Variants in ZNF219 observed in about 807,000 individuals in gnomAD.
ZNF219 encodes zinc finger protein 219.
Under a neutral mutation model 54.4 loss-of-function variants are expected in ZNF219, and 17 were observed. The ratio of observed to expected loss-of-function variants is 0.31; its 90% CI spans 0.21 to 0.47. The LOEUF (loss-of-function observed/expected upper bound fraction) is 0.47. Among genes scored for constraint, ZNF219 ranks in the 20% least tolerant of loss-of-function variants. The probability of loss-of-function intolerance (pLI) is 1.00; values close to 1 mark genes in which losing one functional copy is unlikely to be tolerated. For missense variants in ZNF219, 1,014 were observed against 1,062.3 expected, an observed-to-expected ratio of 0.95 and a Z score of 0.63; for synonymous variants, 518 against 476.4, an observed-to-expected ratio of 1.09 and a Z score of -1.14.
chr14:21,096,937 G>GT (rs1192506185), intron 1 of ZNF219, among the ~76,000 whole-genome samples: 1 of 152,204 alleles, frequency 6.6e-6, no homozygotes, highest in Non-Finnish European at 1.5e-5. Flanking sequence ...GGGTCCAGTT[G>GT]TAACTGCCTC....
At chr14:21,103,272 A>G (rs1889763657), upstream of ZNF219, 1 of 1,548,998 alleles carries the variant, frequency 6.5e-7, no homozygotes, top group African/African-American at 1.4e-5. Flanking sequence ...AATGCTCTCC[A>G]GACATTCCTG....
chr14:21,098,794 C>T (rs1889469727), upstream of ZNF219: 1 of 1,286,330 alleles, frequency 7.8e-7, no homozygotes, highest in Non-Finnish European at 1.0e-6. Flanking sequence ...CCCCTCCCTC[C>T]CTAAACCCGG....
rs1889445084 is a variant in ZNF219, at chr14:21,098,513, C to G, written c.-285G>C. 1 of 984,226 alleles carries G rather than the reference C, an allele frequency of 1.0e-6. No individual in the cohort carries two copies. Among genetic ancestry groups the G allele is most frequent in the African/African-American group, 1.8e-5 (1 of 56,900 alleles). 61.0% of individuals were successfully genotyped at this position (984,226 alleles called of 1,614,324 possible). On this transcript the variant is annotated 5_prime_UTR_variant, in exon 1 of 5. Transcript: ENST00000360947. Reference sequence around the variant, plus strand: ...CCGCATTGTGTGCGGCGGGAGGCGGCCCGGCCATTAGCATGCGGGGGGCGG... The same window carrying G: ...CCGCATTGTGTGCGGCGGGAGGCGGGCCGGCCATTAGCATGCGGGGGGCGG...
upstream of ZNF219, among the ~76,000 whole-genome samples, chr14:21,099,766 C>T (rs544223205): frequency 6.6e-6 from 1 of 152,342 alleles, no homozygotes; most frequent in Non-Finnish European, 1.5e-5. Flanking sequence ...TTATTAACTT[C>T]CTTTTATAGA....
intron 2 of ZNF219, 111 bp downstream of exon 2, chr14:21,093,475 G>C: frequency 6.8e-7 from 1 of 1,464,198 alleles, no homozygotes; most frequent in Non-Finnish European, 9.5e-7. Context: ...CGAGATGTCA[G>C]GGCCAAGGAG....
Position 21,090,101 on chromosome 14 carries a change from T to C in ZNF219, c.*435A>G, listed in dbSNP as rs560374073. On this transcript the variant is annotated 3_prime_UTR_variant, in exon 5 of 5. Transcript: ENST00000360947. The surrounding 1 kb of genome is among the most constrained non-coding windows in gnomAD (Gnocchi z 4.4). ...CCCTGTGCCTCAAGACACCTGTTTATTGGGGACACGACTCTGCAATAGGGA... is the reference window on the plus strand; with the variant it reads ...CCCTGTGCCTCAAGACACCTGTTTACTGGGGACACGACTCTGCAATAGGGA... The C allele has an allele frequency of 7.8e-6, 3 of 382,686 alleles. No homozygotes were observed. Among genetic ancestry groups the C allele is most frequent in the African/African-American group, 2.1e-5 (1 of 47,816 alleles). 23.7% of individuals were successfully genotyped at this position (382,686 alleles called of 1,614,324 possible).
At chr14:21,094,150 TC>T (rs1031162291) in intron 1 of ZNF219, among the ~76,000 whole-genome samples, 23 of 152,076 alleles carry the variant, frequency 1.5e-4, no homozygotes, top group African/African-American at 5.6e-4. Flanking sequence ...TTTCTGTCTT[TC>T]CCCCCTCATT....
At chr14:21,094,520 AGAG>A (rs2139313958) in intron 1 of ZNF219, 2 of 423,534 alleles carry the variant, frequency 4.7e-6, no homozygotes, top group East Asian at 7.1e-5. Flanking sequence ...CCCTCACACA[AGAG>A]GAGGATTACA....
chr14:21,091,849 G>C lies in ZNF219; in HGVS notation c.1432+16C>G. On this transcript the variant is annotated intron_variant, in intron 3 of 4. Coordinates refer to ENST00000360947, the MANE Select transcript of ZNF219 (RefSeq NM_016423.3). Reference sequence around the variant, plus strand: ...GAGGACGCGGCGTACCCGGAGAGCGGAGGGTACCTACATACCCTGCGTGGC... The same window carrying C: ...GAGGACGCGGCGTACCCGGAGAGCGCAGGGTACCTACATACCCTGCGTGGC... 1 of 1,502,190 alleles carries C rather than the reference G, an allele frequency of 6.7e-7. No homozygotes were observed. The highest frequency in any genetic ancestry group is 8.8e-7 in the Non-Finnish European group (1 of 1,131,066). The allele number at this position is 1,502,190 out of a possible 1,614,324, so 93.1% of individuals were successfully genotyped here.
rs1277215398 is a variant in ZNF219 at position 21,092,974 on chromosome 14, T to C, written c.323A>G (p.Gln108Arg). 6.3e-7 allele frequency: 1 copy of C among 1,593,328 alleles called. No homozygotes were observed. The highest frequency in any genetic ancestry group is 1.1e-5 in the South Asian group (1 of 90,222). ...ALLRSHLRTH[Q>R]PERPRSPAAR... ...AGCAGGACTACGTGGGCGCTCGGGC[T>C]GGTGTGTGCGCAGGTGCGAGCGCAG... Residue 108 changes from glutamine (Q) to arginine (R), a missense_variant, in exon 3 of 5, where the codon CAG becomes CGG. Around this residue, in one of 5 missense-constraint regions of ZNF219, gnomAD observed 395 missense variants for 415.1 expected, o/e 0.95. Coordinates refer to ENST00000360947, the MANE Select transcript of ZNF219 (RefSeq NM_016423.3).
At chr14:21,102,527 T>G, upstream of ZNF219, 1 of 1,551,566 alleles carries the variant, frequency 6.4e-7, no homozygotes, top group Non-Finnish European at 8.7e-7. Context: ...TACTGGTCAA[T>G]GAAGGAGAAG....
At position 21,090,494 on chromosome 14, in the gene ZNF219, C is replaced by T. The variant is rs995073913; in HGVS notation, c.*42G>A. On this transcript the variant is annotated 3_prime_UTR_variant, in exon 5 of 5. Coordinates refer to ENST00000360947, the MANE Select transcript of ZNF219 (RefSeq NM_016423.3). This position sits in a 1 kb window ranked among gnomAD's most constrained non-coding sequence, Gnocchi z 4.4. ...AACTACCTCTAGCGCTCCCCCGCTC[C>T]GGCGGGGTAAGCTCACTAAGCTAAT... 14 of 1,540,968 alleles carry T rather than the reference C, an allele frequency of 9.1e-6. 1 individual carries two copies. Among genetic ancestry groups the T allele is most frequent in the South Asian group, 7.4e-5 (6 of 80,820 alleles).
At position 21,092,366 on chromosome 14, in the gene ZNF219, A is replaced by G. The variant is rs1486190949; in HGVS notation, c.931T>C (p.Phe311Leu). Residue 311 changes from phenylalanine to leucine, a missense_variant, in exon 3 of 5, where the codon TTC becomes CTC. Phe to Leu is a conservative substitution (Grantham distance 22). Around this residue, in one of 5 missense-constraint regions of ZNF219, gnomAD observed 28 missense variants for 59.8 expected, o/e 0.47. Coordinates refer to ENST00000360947, the MANE Select transcript of ZNF219 (RefSeq NM_016423.3). ...DHACPVCGRC[F>L]KEPWFLKNHM... ...TTCTTAAGGAACCAGGGCTCCTTGA[A>G]GCAGCGGCCGCACACCGGACACGCA... 6.3e-7 allele frequency: 1 copy of G among 1,578,646 alleles called. No individual in the cohort carries two copies. Among genetic ancestry groups the G allele is most frequent in the Non-Finnish European group, 8.6e-7 (1 of 1,162,984 alleles).
chr14:21,100,802 C>T (rs1226500505), upstream of ZNF219, among the ~76,000 whole-genome samples: 1 of 151,956 alleles, frequency 6.6e-6, no homozygotes, highest in Non-Finnish European at 1.5e-5. Flanking sequence ...GGGAAGGGCA[C>T]ATAATTTGAG....
In ZNF219 at chr14:21,098,337, C is replaced by CGGG. The variant is rs914582720; in HGVS notation, c.-112_-110dup. ...GAGCCCCGGGCGGGCGGCGGCGGAG[C>CGGG]GGGCGGCGGCGGCGGCGGCGGCGGC... On this transcript the variant is annotated 5_prime_UTR_variant, in exon 1 of 5. Coordinates refer to ENST00000360947, the MANE Select transcript of ZNF219 (RefSeq NM_016423.3). The CGGG allele has an allele frequency of 8.4e-6, 2 of 238,070 alleles. No individual in the cohort carries two copies. Among genetic ancestry groups the CGGG allele is most frequent in the African/African-American group, 4.8e-5 (2 of 41,492 alleles). The allele number at this position is 238,070 out of a possible 1,614,324, so 14.7% of individuals were successfully genotyped here.
Position 21,091,084 on chromosome 14 carries a change from G to T in ZNF219, c.1621C>A (p.Leu541Ile), listed in dbSNP as rs1221030714. Residue 541 changes from leucine (L) to isoleucine (I), a missense_variant, in exon 5 of 5, where the codon CTC becomes ATC. Coordinates refer to ENST00000360947, the MANE Select transcript of ZNF219 (RefSeq NM_016423.3). ...TGGTGGCGCTGTAGGTGATACTTGA[G>T]CGAGCCGGACTGGGTGCCCGCGTAG... Reference protein sequence around the residue: ...CDYAGTQSGSLKYHLQRHHRE... With the variant: ...CDYAGTQSGSIKYHLQRHHRE... 15 of 1,572,094 alleles carry T rather than the reference G, an allele frequency of 9.5e-6. No individual in the cohort carries two copies. Among genetic ancestry groups the T allele is most frequent in the Non-Finnish European group, 1.1e-5 (13 of 1,163,364 alleles).
Position 21,093,626 on chromosome 14 carries a change from C to T in ZNF219, c.-35G>A. ...TCACATTCTTTGGTTCTGGGAAGTG[C>T]AGGGAAGAGGAGGAAAAGCTGCTAA... On this transcript the variant is annotated 5_prime_UTR_variant, in exon 2 of 5. Transcript: ENST00000360947. The T allele has an allele frequency of 1.2e-6, 2 of 1,614,114 alleles. No homozygotes were observed. Among genetic ancestry groups the T allele is most frequent in the Non-Finnish European group, 1.7e-6 (2 of 1,180,008 alleles).
chr14:21,091,127 G>A lies in ZNF219; in HGVS notation c.1578C>T (p.Tyr526=), dbSNP rs780469278. ...HLRVHTGERP[Y]KCPHCDYAGT... Reference sequence around the variant, plus strand: ...CCGCGTAGTCGCAGTGCGGACACTTGTAGGGCCGCTCGCCTGGGGAGAGTG... The same window carrying A: ...CCGCGTAGTCGCAGTGCGGACACTTATAGGGCCGCTCGCCTGGGGAGAGTG... The change falls in exon 5 of 5, where the codon TAC becomes TAT. Residue 526 remains tyrosine (Y), a synonymous_variant. Transcript: ENST00000360947. 1.9e-6 allele frequency: 3 copies of A among 1,593,512 alleles called. No homozygotes were observed. The highest frequency in any genetic ancestry group is 2.6e-6 in the Non-Finnish European group (3 of 1,174,092).
chr14:21,091,016 C>A lies in ZNF219; in HGVS notation c.1689G>T (p.Glu563Asp). 1 of 1,554,664 alleles carries A rather than the reference C, an allele frequency of 6.4e-7. No individual in the cohort carries two copies. Among genetic ancestry groups the A allele is most frequent in the Non-Finnish European group, 8.6e-7 (1 of 1,156,750 alleles). Residue 563 changes from glutamate (E) to aspartate (D), a missense_variant, in exon 5 of 5, where the codon GAG becomes GAT. Physicochemically the swap from Glu to Asp is conservative, Grantham distance 45 (BLOSUM62 2). Transcript: ENST00000360947. Reference protein sequence around the residue: ...RSGAGPGPPPEPPPPSQRGSA... With the variant: ...RSGAGPGPPPDPPPPSQRGSA... ...AACCCCGCTGGGAAGGAGGCGGTGG[C>A]TCCGGGGGTGGCCCGGGGCCGGCCC...
Sources: allele counts gnomAD v4.1 joint callset (sites outside exome capture counted in the v4.1 genomes callset), GRCh38; gene constraint gnomAD v4.1.1; regional missense constraint gnomAD v4.1.1; non-coding constraint Gnocchi (gnomAD v3.1); transcripts MANE v1.5; gene names NCBI Gene and HGNC (gene_info 2026-07-23, HGNC 2026-07-21).